The following SPIN1 variants were observed in gnomAD, a reference collection of about 807,000 sequenced individuals.
SPIN1 encodes spindlin-1.
In SPIN1, 3 loss-of-function variants were observed where a neutral mutation model predicts 26.0. That is an observed-to-expected ratio of 0.12 (90% CI 0.05 to 0.30). The LOEUF is 0.30. Among genes scored for constraint, SPIN1 ranks in the 10% least tolerant of loss-of-function variants. SPIN1 has a pLI of 1.00. For synonymous variants in SPIN1, 101 were observed against 116.5 expected, an observed-to-expected ratio of 0.87 and a Z score of 0.86; for missense variants, 126 against 333.4, an observed-to-expected ratio of 0.38 and a Z score of 4.84.
chr9:88,408,264 C>T (rs760527781), intron 1 of SPIN1, among the ~76,000 whole-genome samples: 14 of 146,092 alleles, frequency 9.6e-5, no homozygotes, highest in East Asian at 2.2e-4. Context: ...CCCTTTACCC[C>T]CTCCCCCCAC....
intron 1 of SPIN1, among the ~76,000 whole-genome samples, chr9:88,405,390 G>A (rs564578963): frequency 2.9e-4 from 43 of 149,424 alleles, no homozygotes; most frequent in Admixed American, 6.7e-4. Flanking sequence ...CACCATGCCC[G>A]GCTAATTCTT....
intron 3 of SPIN1, among the ~76,000 whole-genome samples, chr9:88,459,729 C>A (rs763204574): frequency 2.5e-4 from 38 of 152,144 alleles, no homozygotes; most frequent in Non-Finnish European, 5.1e-4. Flanking sequence ...CTGTACTGAA[C>A]CTTCTCTGTG....
rs1828565991 is a variant in SPIN1, at chr9:88,460,867, GAC to G, written c.102-1623_102-1622del. 3.3e-5 allele frequency among the ~76,000 whole-genome samples: 5 copies of G among 152,316 alleles called. No individual in the cohort carries two copies. In the South Asian group the frequency reaches 1.0e-3, roughly 32 times the overall value. ...AGGCACTCTGTGGCACAGTTAAGTT[GAC>G]ACACAAAATTAATCATCACAGTTTC... On this transcript the variant is annotated intron_variant, in intron 3 of 5. Transcript: ENST00000375859.
chr9:88,474,484 G>C (rs764928705), intron 5 of SPIN1, among the ~76,000 whole-genome samples: 1 of 152,142 alleles, frequency 6.6e-6, no homozygotes, highest in Non-Finnish European at 1.5e-5. Context: ...AGCATGGAAA[G>C]CTTAAATTTT....
chr9:88,472,574 C>T (rs1828810223), intron 5 of SPIN1, among the ~76,000 whole-genome samples: 1 of 152,082 alleles, frequency 6.6e-6, no homozygotes, highest in South Asian at 2.1e-4. Context: ...CTCACTACAA[C>T]CTCCAACTCC....
intron 4 of SPIN1, among the ~76,000 whole-genome samples, chr9:88,467,446 G>T (rs1828691354): frequency 6.6e-6 from 1 of 152,202 alleles, no homozygotes; most frequent in African/African-American, 2.4e-5. Context: ...TAATGTGACT[G>T]GGATTTGTGG....
At chr9:88,418,737 A>G (rs1225164500) in intron 1 of SPIN1, 2 of 152,168 alleles carry the variant, frequency 1.3e-5, no homozygotes, top group South Asian at 2.1e-4. Flanking sequence ...TTGATACCCT[A>G]TTCCTTTATT....
At chr9:88,392,680 A>T (rs60790499) in intron 1 of SPIN1, among the ~76,000 whole-genome samples, 1 of 150,666 alleles carries the variant, frequency 6.6e-6, no homozygotes, top group South Asian at 2.1e-4. Flanking sequence ...ACTATTTTCT[A>T]TCTATCCTCC....
intron 3 of SPIN1, among the ~76,000 whole-genome samples, chr9:88,451,712 C>T (rs1245029791): frequency 6.6e-6 from 1 of 152,186 alleles, no homozygotes; most frequent in African/African-American, 2.4e-5. Context: ...AGGCGTGCCG[C>T]AGCACGCCCA....
intron 1 of SPIN1, among the ~76,000 whole-genome samples, chr9:88,411,936 C>T (rs1294200527): frequency 6.6e-6 from 1 of 151,914 alleles, no homozygotes; most frequent in Non-Finnish European, 1.5e-5. Context: ...CTATGGGAGG[C>T]CGAGACGGGC....
At chr9:88,400,884 G>T (rs1827172709) in intron 1 of SPIN1, among the ~76,000 whole-genome samples, 1 of 151,560 alleles carries the variant, frequency 6.6e-6, no homozygotes, top group African/African-American at 2.4e-5. Context: ...GTGGTGGCTT[G>T]TGCCTGTAGT....
At chr9:88,464,912 T>G (rs1828633441) in intron 4 of SPIN1, among the ~76,000 whole-genome samples, 1 of 152,158 alleles carries the variant, frequency 6.6e-6, no homozygotes, top group Non-Finnish European at 1.5e-5. Context: ...CAACCTACCT[T>G]TCCTCCCATT....
chr9:88,443,383 A>G (rs569346245), intron 2 of SPIN1, among the ~76,000 whole-genome samples: 1 of 152,266 alleles, frequency 6.6e-6, no homozygotes, highest in East Asian at 1.9e-4. Flanking sequence ...TGCTTCTGTT[A>G]AAGTGTTTAT....
intron 1 of SPIN1, chr9:88,389,299 C>T (rs577564101): frequency 2.0e-5 from 3 of 152,344 alleles, no homozygotes; most frequent in South Asian, 2.1e-4. Context: ...TGGGTGTATT[C>T]GTCAAGGAAT....
intron 2 of SPIN1, among the ~76,000 whole-genome samples, chr9:88,430,406 C>A (rs796183011): frequency 1.2e-4 from 19 of 152,310 alleles, no homozygotes; most frequent in African/African-American, 4.6e-4. Context: ...TATACAGGTT[C>A]ACTTCTACTG....
chr9:88,462,284 A>G (rs1397882429), intron 3 of SPIN1, among the ~76,000 whole-genome samples: 1 of 152,200 alleles, frequency 6.6e-6, no homozygotes, highest in African/African-American at 2.4e-5. Flanking sequence ...ACAAGCTCCT[A>G]TTACTAACAT....
At chr9:88,425,179 C>T (rs1242294766) in intron 1 of SPIN1, among the ~76,000 whole-genome samples, 2 of 151,868 alleles carry the variant, frequency 1.3e-5, no homozygotes, top group Admixed American at 1.3e-4. Context: ...TAATAGGGGC[C>T]CATTAGATAG....
intron 1 of SPIN1, among the ~76,000 whole-genome samples, chr9:88,421,305 GTC>G (rs1827662138): frequency 6.6e-6 from 1 of 152,104 alleles, no homozygotes; most frequent in Admixed American, 6.6e-5. Flanking sequence ...GTGTGTGTGT[GTC>G]TGTGTGTTTT....
intron 1 of SPIN1, among the ~76,000 whole-genome samples, chr9:88,410,242 C>T (rs1827412567): frequency 6.7e-6 from 1 of 149,164 alleles, no homozygotes; most frequent in Non-Finnish European, 1.5e-5. Context: ...CAGACTATTA[C>T]ATTTAGCAAT....
Sources: gnomAD v4.1 joint callset for allele counts (sites outside exome capture counted in the v4.1 genomes callset) on GRCh38, gnomAD v4.1.1 for gene constraint, MANE v1.5 for transcripts, NCBI Gene and HGNC (gene_info 2026-07-23, HGNC 2026-07-21) for gene names.